The following TAPT1 variants were observed in gnomAD, a reference collection of about 807,000 sequenced individuals.
The protein encoded by TAPT1 is transmembrane anterior posterior transformation 1, also known as transmembrane anterior posterior transformation protein 1 homolog.
TAPT1 carries 28 observed loss-of-function variants against 65.6 expected under a neutral mutation model. The observed-to-expected ratio is 0.43, with a 90% CI of 0.32 to 0.59. The LOEUF (loss-of-function observed/expected upper bound fraction) is 0.59. Among genes scored for constraint, TAPT1 ranks in the 20% least tolerant of loss-of-function variants. The pLI is 0.09. For missense variants in TAPT1, 563 were observed against 679.9 expected, an observed-to-expected ratio of 0.83 and a Z score of 1.91; for synonymous variants, 278 against 245.2, an observed-to-expected ratio of 1.13 and a Z score of -1.25.
At chr4:16,175,233 T>G (rs911258139) in intron 9 of TAPT1, among the ~76,000 whole-genome samples, 2 of 152,110 alleles carry the variant, frequency 1.3e-5, no homozygotes, top group Admixed American at 6.5e-5. Flanking sequence ...CAATCAAGCC[T>G]ATTAATTTTG....
chr4:16,172,044 C>T (rs912468390), intron 11 of TAPT1, among the ~76,000 whole-genome samples: 5 of 152,082 alleles, frequency 3.3e-5, no homozygotes, highest in South Asian at 2.1e-4. Flanking sequence ...CTGTGGCACA[C>T]GACGAAGCTC....
intron 2 of TAPT1, among the ~76,000 whole-genome samples, chr4:16,211,424 T>C (rs1326250882): frequency 6.6e-6 from 1 of 152,200 alleles, no homozygotes; most frequent in Non-Finnish European, 1.5e-5. Flanking sequence ...ATGAGAGATA[T>C]TTAAGCCTGG....
intron 1 of TAPT1, among the ~76,000 whole-genome samples, chr4:16,223,308 G>C (rs1271847939): frequency 6.6e-6 from 1 of 152,204 alleles, no homozygotes; most frequent in Non-Finnish European, 1.5e-5. Context: ...GATGAATCAA[G>C]TGGGGAACAA....
rs76800969 is a variant in TAPT1 at position 16,208,313 on chromosome 4, C to T, written c.330+5455G>A. 9.9e-5 allele frequency among the ~76,000 whole-genome samples: 15 copies of T among 152,272 alleles called. No individual in the cohort carries two copies. In the East Asian group the frequency reaches 2.9e-3, roughly 29 times the overall value. On this transcript the variant is annotated intron_variant, in intron 2 of 13. Transcript: ENST00000405303. ...TAATTTTCCAGAAAGAAAGCTCTGA[C>T]GGATGGCTAACCCAATAACCATTCT...
intron 3 of TAPT1, among the ~76,000 whole-genome samples, chr4:16,196,375 G>A (rs898612569): frequency 6.6e-6 from 1 of 152,188 alleles, no homozygotes; most frequent in African/African-American, 2.4e-5. Context: ...AATTTCTGTG[G>A]CTTTGGGGAT....
rs147073524 is a variant in TAPT1, at chr4:16,178,109, C to A, written c.997+1468G>T. Reference sequence around the variant, plus strand: ...ACTCTACCGGAACCAGTGACACATACCCCCTCTGCCCTTCATGGACACCCT... The same window carrying A: ...ACTCTACCGGAACCAGTGACACATAACCCCTCTGCCCTTCATGGACACCCT... On this transcript the variant is annotated intron_variant, in intron 8 of 13. Transcript: ENST00000405303. 1.4e-3 allele frequency among the ~76,000 whole-genome samples: 219 copies of A among 152,284 alleles called. 2 individuals are homozygous for A. The highest frequency in any genetic ancestry group is 8.9e-3 in the East Asian group (46 of 5,178).
At chr4:16,226,603 AT>A, upstream of TAPT1, 5 of 426,390 alleles carry the variant, frequency 1.2e-5, no homozygotes, top group Non-Finnish European at 1.5e-5. Context: ...GGCGCGAGCC[AT>A]TGGCGTCAGC....
intron 3 of TAPT1, among the ~76,000 whole-genome samples, chr4:16,198,784 T>C (rs1413678523): frequency 6.6e-6 from 1 of 152,182 alleles, no homozygotes; most frequent in Non-Finnish European, 1.5e-5. Context: ...AATCTGGCTA[T>C]TTCTAAATAA....
intron 7 of TAPT1, among the ~76,000 whole-genome samples, chr4:16,184,423 T>C (rs931290915): frequency 1.3e-5 from 2 of 152,182 alleles, no homozygotes; most frequent in African/African-American, 4.8e-5. Flanking sequence ...CTGATAGCTA[T>C]TTGGGTTGTT....
chr4:16,226,094 G>A, intron 1 of TAPT1, 165 bp downstream of exon 1: 9 of 1,029,136 alleles, frequency 8.7e-6, no homozygotes, highest in Non-Finnish European at 9.3e-6. Context: ...CAACGGCCGC[G>A]GAGCCTCGGC....
At chr4:16,219,812 T>C (rs1751147606) in intron 1 of TAPT1, among the ~76,000 whole-genome samples, 1 of 152,206 alleles carries the variant, frequency 6.6e-6, no homozygotes, top group Admixed American at 6.5e-5. Context: ...TTCACAGAAG[T>C]TGAGAGACTT....
intron 2 of TAPT1, among the ~76,000 whole-genome samples, chr4:16,209,135 T>A (rs1750514607): frequency 6.6e-6 from 1 of 152,104 alleles, no homozygotes; most frequent in Non-Finnish European, 1.5e-5. Context: ...CACCTAACAA[T>A]TTTCCACCTC....
At chr4:16,165,929 T>C (rs1747580076) in intron 13 of TAPT1, among the ~76,000 whole-genome samples, 2 of 152,102 alleles carry the variant, frequency 1.3e-5, no homozygotes, top group African/African-American at 4.8e-5. Context: ...CCTTTTAAAA[T>C]GTCAGCTGCA....
At chr4:16,227,117 G>A (rs1467535732), upstream of TAPT1, 1 of 455,608 alleles carries the variant, frequency 2.2e-6, no homozygotes, top group Non-Finnish European at 4.4e-6. Context: ...TGGCCTCTGA[G>A]TGTCCTTTGG....
rs768882898 is a variant in TAPT1, at chr4:16,188,171, T to C, written c.748+49A>G. 2.6e-6 allele frequency: 4 copies of C among 1,509,698 alleles called. No individual in the cohort carries two copies. The Admixed American group carries it at 6.5e-5, about 24-fold the overall frequency. The allele number at this position is 1,509,698 out of a possible 1,614,324, so 93.5% of individuals were successfully genotyped here. ...AAATGGCTAACCAAATAAAATAAGG[T>C]AGACTATGCATTAACTGTCGGAAAT... On this transcript the variant is annotated intron_variant, in intron 5 of 13. Coordinates refer to ENST00000405303, the MANE Select transcript of TAPT1 (RefSeq NM_153365.3).
chr4:16,207,635 C>T (rs1472805613), intron 2 of TAPT1, among the ~76,000 whole-genome samples: 2 of 152,160 alleles, frequency 1.3e-5, no homozygotes, highest in East Asian at 3.9e-4. Context: ...GATCTGATGC[C>T]TTGATCAGGC....
chr4:16,186,397 T>C, intron 7 of TAPT1, 138 bp downstream of exon 7: 1 of 575,830 alleles, frequency 1.7e-6, no homozygotes, highest in Admixed American at 3.6e-5. Flanking sequence ...TAAGAAAACC[T>C]AGTAAAGATG....
At chr4:16,219,299 T>C (rs898370857) in intron 1 of TAPT1, among the ~76,000 whole-genome samples, 2 of 151,170 alleles carry the variant, frequency 1.3e-5, no homozygotes, top group African/African-American at 2.5e-5. Context: ...GTGTTACTTC[T>C]GGAAAATTAG....
At chr4:16,193,986 A>G (rs964702296) in intron 3 of TAPT1, among the ~76,000 whole-genome samples, 2 of 152,244 alleles carry the variant, frequency 1.3e-5, no homozygotes, top group African/African-American at 4.8e-5. Context: ...TACTTAGTTG[A>G]GTGATCTCAG....
Sources: allele counts gnomAD v4.1 joint callset (sites outside exome capture counted in the v4.1 genomes callset), GRCh38; gene constraint gnomAD v4.1.1; transcripts MANE v1.5; gene names NCBI Gene and HGNC (gene_info 2026-07-23, HGNC 2026-07-21).